TEAD1: variants seen among roughly 807,000 people sequenced by gnomAD.
The protein encoded by TEAD1 is TEA domain transcription factor 1.
In TEAD1, 9 loss-of-function variants were observed where a neutral mutation model predicts 54.9. The ratio of observed to expected loss-of-function variants is 0.16; its 90% CI spans 0.10 to 0.29. TEAD1 has a LOEUF of 0.29. Ranked by LOEUF, TEAD1 falls within the 10% of genes least tolerant of loss-of-function variation. TEAD1 has a pLI of 1.00. For missense variants in TEAD1, 387 were observed against 535.9 expected, an observed-to-expected ratio of 0.72 and a Z score of 2.74; for synonymous variants, 200 against 187.8, an observed-to-expected ratio of 1.07 and a Z score of -0.53.
intron 2 of TEAD1, among the ~76,000 whole-genome samples, chr11:12,735,494 C>T (rs992282592): frequency 6.6e-6 from 1 of 152,060 alleles, no homozygotes; most frequent in African/African-American, 2.4e-5. Context: ...CTGTGTCATG[C>T]TCCCTACCAA....
intron 3 of TEAD1, among the ~76,000 whole-genome samples, chr11:12,827,086 C>T (rs1946672910): frequency 6.6e-6 from 1 of 152,172 alleles, no homozygotes; most frequent in Non-Finnish European, 1.5e-5. Context: ...GTTTTTAGGG[C>T]TGTAAGCCTT....
intron 9 of TEAD1, among the ~76,000 whole-genome samples, chr11:12,901,405 G>A (rs1223923734): frequency 6.6e-6 from 1 of 152,204 alleles, no homozygotes; most frequent in Non-Finnish European, 1.5e-5. Flanking sequence ...TTATGTAGAA[G>A]TTTTGGATTG....
chr11:12,835,996 CAAAG>C (rs1946882289), intron 3 of TEAD1, among the ~76,000 whole-genome samples: 1 of 151,920 alleles, frequency 6.6e-6, no homozygotes, highest in African/African-American at 2.4e-5. Context: ...GTTCTCGTCA[CAAAG>C]AAATGATAAG....
intron 10 of TEAD1, 103 bp from the exon 11 acceptor site, chr11:12,924,809 C>G: frequency 2.1e-6 from 3 of 1,417,482 alleles, no homozygotes; most frequent in Non-Finnish European, 2.0e-6. Context: ...CAAGCCAGCC[C>G]TCTTCATTCA....
intron 2 of TEAD1, among the ~76,000 whole-genome samples, chr11:12,729,374 T>C (rs1009112741): frequency 2.6e-5 from 4 of 152,194 alleles, no homozygotes; most frequent in Non-Finnish European, 5.9e-5. Context: ...TCTGGGACAG[T>C]GTCTAAGAAT....
In TEAD1 at chr11:12,930,188, G is replaced by A. The variant is rs377372620; in HGVS notation, c.1029G>A (p.Arg343=). The A allele has an allele frequency of 5.6e-6, 9 of 1,614,078 alleles. No homozygotes were observed. Among genetic ancestry groups the A allele is most frequent in the Non-Finnish European group, 6.8e-6 (8 of 1,180,046 alleles). The stretch of plus-strand genomic sequence containing the variant: ...TTTCCTCACAGACGGAGTATGCAAG[G>A]TTTGAGAATGGCCGATTTGTATACC... Residue 343 remains arginine (R), a synonymous_variant, in exon 12 of 13, where the codon AGG becomes AGA. Transcript: ENST00000527636.
chr11:12,802,053 G>T (rs1408721219), intron 3 of TEAD1, among the ~76,000 whole-genome samples: 1 of 152,210 alleles, frequency 6.6e-6, no homozygotes, highest in Non-Finnish European at 1.5e-5. Context: ...GTTATGCCAA[G>T]CCCTGTTCAC....
intron 2 of TEAD1, among the ~76,000 whole-genome samples, chr11:12,714,447 G>A (rs577850380): frequency 9.9e-5 from 15 of 152,110 alleles, no homozygotes; most frequent in African/African-American, 2.9e-4. Context: ...GCTGGAGTGC[G>A]GTGGTGGACC....
chr11:12,764,124 A>G, intron 2 of TEAD1, 55 bp from the exon 3 acceptor site: 1 of 1,118,476 alleles, frequency 8.9e-7, no homozygotes. Flanking sequence ...AGCTAGCAAG[A>G]GCATTATGTT....
chr11:12,705,105 A>G (rs1943786310), intron 2 of TEAD1, among the ~76,000 whole-genome samples: 1 of 152,224 alleles, frequency 6.6e-6, no homozygotes, highest in Non-Finnish European at 1.5e-5. Context: ...ACTACTCTTA[A>G]AGCTGAACTT....
intron 5 of TEAD1, among the ~76,000 whole-genome samples, chr11:12,872,815 G>A (rs1410316996): frequency 2.6e-5 from 4 of 152,164 alleles, no homozygotes; most frequent in Non-Finnish European, 4.4e-5. Flanking sequence ...TTCAGGTCCC[G>A]AGCAGAATCC....
intron 3 of TEAD1, among the ~76,000 whole-genome samples, chr11:12,854,585 C>T (rs994413690): frequency 4.0e-5 from 6 of 151,826 alleles, no homozygotes; most frequent in African/African-American, 1.2e-4. Context: ...GCAGAGATGG[C>T]GTGTTTTCTT....
In TEAD1 at chr11:12,764,179, G is replaced by T; in HGVS notation, c.-54G>T. Reference sequence around the variant, plus strand: ...TACTGTTTTTGGTTTTCTCTTCTAGGTTTATTTTCTTGAAAAGGCTCCAGG... The same window carrying T: ...TACTGTTTTTGGTTTTCTCTTCTAGTTTTATTTTCTTGAAAAGGCTCCAGG... On this transcript the variant is annotated splice_region_variant and 5_prime_UTR_variant, in exon 3 of 13. Coordinates refer to ENST00000527636, the MANE Select transcript of TEAD1 (RefSeq NM_021961.6). 4 of 1,584,248 alleles carry T rather than the reference G, an allele frequency of 2.5e-6. No individual in the cohort carries two copies. The South Asian group carries it at 4.6e-5, about 18-fold the overall frequency.
intron 5 of TEAD1, among the ~76,000 whole-genome samples, chr11:12,872,029 T>C (rs1003399871): frequency 6.6e-6 from 1 of 152,186 alleles, no homozygotes; most frequent in Non-Finnish European, 1.5e-5. Flanking sequence ...TGGTGGCCTT[T>C]ATGATTTGAT....
intron 2 of TEAD1, among the ~76,000 whole-genome samples, chr11:12,701,824 T>C (rs1319323156): frequency 2.6e-5 from 4 of 152,092 alleles, no homozygotes; most frequent in Admixed American, 1.3e-4. Flanking sequence ...AAAAATTATA[T>C]AGGGAATAGA....
intron 5 of TEAD1, among the ~76,000 whole-genome samples, chr11:12,875,150 A>G (rs1238423270): frequency 1.3e-5 from 2 of 152,218 alleles, no homozygotes; most frequent in South Asian, 4.1e-4. Flanking sequence ...TGGTGTGAAG[A>G]CATCTTAAAA....
intron 2 of TEAD1, among the ~76,000 whole-genome samples, chr11:12,701,888 TTC>T (rs1420862959): frequency 5.9e-5 from 9 of 152,202 alleles, no homozygotes; most frequent in African/African-American, 2.2e-4. Context: ...AAAGATGACT[TTC>T]TATAAGAAAT....
intron 3 of TEAD1, among the ~76,000 whole-genome samples, chr11:12,820,248 A>G (rs1946514101): frequency 6.6e-6 from 1 of 152,144 alleles, no homozygotes; most frequent in Admixed American, 6.5e-5. Flanking sequence ...TCAACCCGCT[A>G]GACACTGTTG....
intron 2 of TEAD1, among the ~76,000 whole-genome samples, chr11:12,732,782 C>T (rs1944449484): frequency 6.6e-6 from 1 of 152,134 alleles, no homozygotes; most frequent in Non-Finnish European, 1.5e-5. Flanking sequence ...GAGAGTTGAC[C>T]AGAAACCAGC....
Sources: gnomAD v4.1 joint callset for allele counts (sites outside exome capture counted in the v4.1 genomes callset) on GRCh38, gnomAD v4.1.1 for gene constraint, MANE v1.5 for transcripts, NCBI Gene and HGNC (gene_info 2026-07-23, HGNC 2026-07-21) for gene names.